The following LAMB3 variants were observed in gnomAD, a reference collection of about 807,000 sequenced individuals.
The protein encoded by LAMB3 is laminin subunit beta-3.
A neutral mutation model predicts 140.3 loss-of-function variants in LAMB3; 104 were observed. The ratio of observed to expected loss-of-function variants is 0.74; its 90% CI spans 0.63 to 0.87. LAMB3 has a LOEUF of 0.87. Ranked by LOEUF, LAMB3 falls within the 40% of genes least tolerant of loss-of-function variation. The pLI, the probability that LAMB3 is intolerant of heterozygous loss-of-function variation, is 0.00. For synonymous variants in LAMB3, 592 were observed against 602.9 expected (o/e 0.98, Z 0.26); for missense variants, 1,531 against 1,575.2 (o/e 0.97, Z 0.47).
intron 19 of LAMB3, 140 bp from the exon 20 acceptor site, chr1:209,618,188 T>G: frequency 8.9e-7 from 1 of 1,122,188 alleles, no homozygotes; most frequent in Non-Finnish European, 1.3e-6. Context: ...ACTCAGTAGC[T>G]TTGATGTCCC....
At chr1:209,625,520 G>A in intron 14 of LAMB3, 128 bp downstream of exon 14, 2 of 1,223,070 alleles carry the variant, frequency 1.6e-6, no homozygotes, top group South Asian at 2.4e-5. Context: ...ATGGTTGAAA[G>A]AGAGAGCACT....
chr1:209,623,972 G>A lies in LAMB3; in HGVS notation c.2005C>T (p.Leu669=), dbSNP rs1571807394. The change falls in exon 15 of 23, where the codon CTG becomes TTG. Residue 669 remains leucine (L), a synonymous_variant. Coordinates refer to ENST00000356082, the MANE Select transcript of LAMB3 (RefSeq NM_000228.3). This position sits in a 1 kb window ranked among gnomAD's most constrained non-coding sequence, Gnocchi z 4.2. ...GACAACGTCTCCTCCTCCAGGGGCA[G>A]ATCCAGCTGCAGGCCCTGGAGAGTT... is the stretch of plus-strand genomic sequence containing the variant. The part of the protein sequence containing the change: ...RRTLQGLQLD[L]PLEEETLSLP... The A allele has an allele frequency of 1.2e-6, 2 of 1,613,966 alleles. No individual in the cohort carries two copies. Among genetic ancestry groups the A allele is most frequent in the South Asian group, 1.1e-5 (1 of 91,082 alleles).
intron 3 of LAMB3, among the ~76,000 whole-genome samples, chr1:209,639,877 C>T (rs1052297156): frequency 2.0e-5 from 3 of 152,188 alleles, no homozygotes; most frequent in African/African-American, 4.8e-5. Context: ...GGAAAACTGT[C>T]CCTCCACACA....
chr1:209,623,450 G>T lies in LAMB3; in HGVS notation c.2358+55C>A. On this transcript the variant is annotated intron_variant, in intron 16 of 22. Coordinates refer to ENST00000356082, the MANE Select transcript of LAMB3 (RefSeq NM_000228.3). The surrounding 1 kb of genome is among the most constrained non-coding windows in gnomAD (Gnocchi z 4.2). Reference sequence around the variant, plus strand: ...TAGGAAGCAGGTGGCAGCAGTTGGTGTGTGACAAGCTGGGGTGTGGGCTCC... The same window carrying T: ...TAGGAAGCAGGTGGCAGCAGTTGGTTTGTGACAAGCTGGGGTGTGGGCTCC... The T allele has an allele frequency of 6.5e-7, 1 of 1,532,190 alleles. No homozygotes were observed. The highest frequency in any genetic ancestry group is 9.0e-7 in the Non-Finnish European group (1 of 1,105,284). 94.9% of individuals were successfully genotyped at this position (1,532,190 alleles called of 1,614,324 possible). A position where few individuals can be genotyped will look rare whatever the true frequency, so the allele number is the denominator to read the frequency against.
chr1:209,629,807 G>C lies in LAMB3; in HGVS notation c.1062C>G (p.Asn354Lys). The change falls in exon 10 of 23, where the codon AAC becomes AAG. Residue 354 changes from asparagine (N) to lysine (K), a missense_variant. By Grantham distance (94) the Asn-to-Lys change is moderately conservative. Coordinates refer to ENST00000356082, the MANE Select transcript of LAMB3 (RefSeq NM_000228.3). ...AATAGTGCAGCTGACACCGCTCACA[G>C]TTCTTGCCTTCGGTGTGGTCCCGGC... is the stretch of plus-strand genomic sequence containing the variant. ...DNCRDHTEGK[N>K]CERCQLHYFR... is the part of the protein sequence containing the mutation. 1 of 1,614,250 alleles carries C rather than the reference G, an allele frequency of 6.2e-7. No individual in the cohort carries two copies. The highest frequency in any genetic ancestry group is 8.5e-7 in the Non-Finnish European group (1 of 1,180,042).
At chr1:209,636,294 CT>C (rs752738061) in intron 5 of LAMB3, among the ~76,000 whole-genome samples, 2 of 152,330 alleles carry the variant, frequency 1.3e-5, no homozygotes, top group Non-Finnish European at 2.9e-5. Flanking sequence ...AACAGCGTCC[CT>C]GACTTCTACC....
intron 9 of LAMB3, 46 bp from the exon 10 acceptor site, chr1:209,629,971 C>G: frequency 1.3e-6 from 2 of 1,572,938 alleles, no homozygotes; most frequent in Non-Finnish European, 8.7e-7. Flanking sequence ...CACACCTTTG[C>G]TATCTACAGA....
intron 3 of LAMB3, among the ~76,000 whole-genome samples, chr1:209,648,337 G>A (rs1490067057): frequency 6.6e-6 from 1 of 152,176 alleles, no homozygotes; most frequent in Non-Finnish European, 1.5e-5. Flanking sequence ...CACACCTCAA[G>A]TCAGTGGCAG....
Position 209,623,040 on chromosome 1 carries a change from C to T in LAMB3, c.2498G>A (p.Gly833Glu). The T allele has an allele frequency of 1.9e-6, 3 of 1,614,004 alleles. No homozygotes were observed. The highest frequency in any genetic ancestry group is 1.1e-5 in the South Asian group (1 of 91,082). The stretch of plus-strand genomic sequence containing the variant: ...GCCCCGCAGCTGCTCAGCCACCTGC[C>T]CCGCCATCAAGAAGGCCCCACCGGC... Reference protein sequence around the residue: ...PRAGGAFLMAGQVAEQLRGFN... With the variant: ...PRAGGAFLMAEQVAEQLRGFN... Residue 833 changes from glycine (G) to glutamate (E), a missense_variant, in exon 17 of 23, where the codon GGG becomes GAG. Coordinates refer to ENST00000356082, the MANE Select transcript of LAMB3 (RefSeq NM_000228.3). This position sits in a 1 kb window ranked among gnomAD's most constrained non-coding sequence, Gnocchi z 4.2.
intron 13 of LAMB3, among the ~76,000 whole-genome samples, chr1:209,626,422 G>A (rs1223851794): frequency 1.3e-5 from 2 of 152,176 alleles, no homozygotes; most frequent in East Asian, 3.8e-4. Flanking sequence ...AGTGAGGCAG[G>A]GGCAGAGCTG....
chr1:209,626,943 A>T lies in LAMB3; in HGVS notation c.1521T>A (p.Gly507=), dbSNP rs1429618453. Reference sequence around the variant, plus strand: ...TGGCTGCAGCGCTGCACATCAGGCCACCAAAGCCTTCCCGACAGGGGCACT... The same window carrying T: ...TGGCTGCAGCGCTGCACATCAGGCCTCCAAAGCCTTCCCGACAGGGGCACT... The part of the protein sequence containing the change: ...TGQCPCREGF[G]GLMCSAAAIR... The change falls in exon 13 of 23, where the codon GGT becomes GGA. Residue 507 remains glycine, a synonymous_variant. Coordinates refer to ENST00000356082, the MANE Select transcript of LAMB3 (RefSeq NM_000228.3). 1.2e-6 allele frequency: 2 copies of T among 1,613,680 alleles called. No homozygotes were observed. The highest frequency in any genetic ancestry group is 1.7e-6 in the Non-Finnish European group (2 of 1,179,926).
At position 209,617,441 on chromosome 1, in the gene LAMB3, C is replaced by G; in HGVS notation, c.3197G>C (p.Gly1066Ala). 1 of 1,613,090 alleles carries G rather than the reference C, an allele frequency of 6.2e-7. No individual in the cohort carries two copies. ...EAVQAQQLAE[G>A]ASEQALSAQE... The stretch of plus-strand genomic sequence containing the variant: ...GGCACTCAATGCCTGCTCGCTGGCA[C>G]CTTCCGCAAGCTGCTGGGCCTGGAC... Residue 1066 changes from glycine to alanine, a missense_variant, in exon 21 of 23, where the codon GGT (glycine) becomes GCT (alanine). Transcript: ENST00000356082.
At chr1:209,627,936 G>A in intron 11 of LAMB3, 99 bp downstream of exon 11, 1 of 1,447,966 alleles carries the variant, frequency 6.9e-7, no homozygotes, top group South Asian at 1.2e-5. Flanking sequence ...CCTGCAGTGG[G>A]ATTTCCTCTG....
At chr1:209,615,744 C>A (rs138579600) in intron 22 of LAMB3, among the ~76,000 whole-genome samples, 1 of 152,198 alleles carries the variant, frequency 6.6e-6, no homozygotes, top group Non-Finnish European at 1.5e-5. Context: ...TTCCCAGGAG[C>A]CCCTGTTCTC....
intron 7 of LAMB3, 86 bp downstream of exon 7, chr1:209,632,984 G>C: frequency 8.5e-7 from 1 of 1,170,398 alleles, no homozygotes; most frequent in Non-Finnish European, 1.3e-6. Flanking sequence ...AAACATGAAA[G>C]ACCAGGAAAT....
In LAMB3 at chr1:209,623,477, G is replaced by C; in HGVS notation, c.2358+28C>G. The C allele has an allele frequency of 6.2e-7, 1 of 1,600,728 alleles. No homozygotes were observed. The highest frequency in any genetic ancestry group is 8.6e-7 in the Non-Finnish European group (1 of 1,167,760). ...GTGACAAGCTGGGGTGTGGGCTCCAGGAAGTGGGACTCCATGCCCCAAGTC... is the reference window on the plus strand; with the variant it reads ...GTGACAAGCTGGGGTGTGGGCTCCACGAAGTGGGACTCCATGCCCCAAGTC... On this transcript the variant is annotated intron_variant, in intron 16 of 22. Coordinates refer to ENST00000356082, the MANE Select transcript of LAMB3 (RefSeq NM_000228.3). The surrounding 1 kb of genome is among the most constrained non-coding windows in gnomAD (Gnocchi z 4.2).
At chr1:209,650,226 C>T (rs781200136) in intron 2 of LAMB3, 108 bp from the exon 3 acceptor site, 5 of 1,104,258 alleles carry the variant, frequency 4.5e-6, no homozygotes, top group Non-Finnish European at 6.7e-6. Context: ...TATCCTTTCC[C>T]TCACTCAAGC....
chr1:209,627,351 G>A lies in LAMB3; in HGVS notation c.1485+32C>T, dbSNP rs756997254. 20 of 1,594,424 alleles carry A rather than the reference G, an allele frequency of 1.3e-5. No homozygotes were observed. In the South Asian group the frequency reaches 1.5e-4, roughly 12 times the overall value. ...TGGTGCTCAGGACCCCCCTCCCACT[G>A]AGGGGGCCCCCGGACCACCCTCACT... On this transcript the variant is annotated intron_variant, in intron 12 of 22. Coordinates refer to ENST00000356082, the MANE Select transcript of LAMB3 (RefSeq NM_000228.3).
intron 17 of LAMB3, 52 bp from the exon 18 acceptor site, chr1:209,622,732 C>T (rs1666249914): frequency 6.2e-7 from 1 of 1,609,296 alleles, no homozygotes. Flanking sequence ...GGGAACCTCT[C>T]AGCAGCCCCA....
Sources: allele counts gnomAD v4.1 joint callset (sites outside exome capture counted in the v4.1 genomes callset), GRCh38; gene constraint gnomAD v4.1.1; non-coding constraint Gnocchi (gnomAD v3.1); transcripts MANE v1.5; gene names NCBI Gene and HGNC (gene_info 2026-07-23, HGNC 2026-07-21).